Variants in PDS5B observed in about 807,000 individuals in gnomAD.
PDS5B encodes the protein sister chromatid cohesion protein PDS5 homolog B.
A neutral mutation model predicts 184.1 loss-of-function variants in PDS5B; 51 were observed. That is an observed-to-expected ratio of 0.28 (90% CI 0.22 to 0.35). The LOEUF (loss-of-function observed/expected upper bound fraction) is 0.35. Among genes scored for constraint, PDS5B ranks in the 10% least tolerant of loss-of-function variants. The pLI, the probability that PDS5B is intolerant of heterozygous loss-of-function variation, is 1.00. For synonymous variants in PDS5B, 566 were observed against 569.2 expected, an observed-to-expected ratio of 0.99 and a Z score of 0.08; for missense variants, 1,180 against 1,723.3, an observed-to-expected ratio of 0.68 and a Z score of 5.58.
At chr13:32,723,762 GT>G (rs1382393658) in intron 19 of PDS5B, among the ~76,000 whole-genome samples, 3 of 152,152 alleles carry the variant, frequency 2.0e-5, no homozygotes, top group Non-Finnish European at 4.4e-5. Context: ...TATCTATGAA[GT>G]TTAGTTACTG....
At chr13:32,750,232 A>G (rs771343510) in intron 24 of PDS5B, among the ~76,000 whole-genome samples, 100 of 152,164 alleles carry the variant, frequency 6.6e-4, no homozygotes, top group Non-Finnish European at 4.4e-4. Context: ...AAGGATTGAC[A>G]TTGCAATTAA....
chr13:32,767,116 A>G (rs1278733893), intron 31 of PDS5B, among the ~76,000 whole-genome samples: 5 of 152,170 alleles, frequency 3.3e-5, no homozygotes, highest in Non-Finnish European at 7.4e-5. Flanking sequence ...ATCTTTTACT[A>G]TGATAGTATA....
At chr13:32,597,600 G>T (rs899522068) in intron 1 of PDS5B, among the ~76,000 whole-genome samples, 2 of 150,142 alleles carry the variant, frequency 1.3e-5, no homozygotes, top group African/African-American at 2.5e-5. Flanking sequence ...CTGAGGCCGA[G>T]GGGGGGGCGG....
At chr13:32,753,828 G>C (rs1239365376) in intron 25 of PDS5B, among the ~76,000 whole-genome samples, 1 of 152,210 alleles carries the variant, frequency 6.6e-6, no homozygotes, top group East Asian at 1.9e-4. Context: ...TATATAGATT[G>C]AGCATTATCT....
Position 32,732,677 on chromosome 13 carries a change from A to T in PDS5B, c.2247+453A>T, listed in dbSNP as rs75197683. ...TATGACTGACCTAATTTTGTGTCAG[A>T]TATAAAGTGTCTTTTCAATATATAT... On this transcript the variant is annotated intron_variant, in intron 20 of 34. Transcript: ENST00000315596. Among the ~76,000 whole-genome samples the T allele has an allele frequency of 6.1e-3, 935 of 152,246 alleles. 17 individuals are homozygous for T. The highest frequency in any genetic ancestry group is 0.022 in the African/African-American group (903 of 41,574).
chr13:32,635,170 GTT>G (rs71071054), intron 1 of PDS5B, among the ~76,000 whole-genome samples: 1 of 81,120 alleles, frequency 1.2e-5, no homozygotes. Context: ...AGCCAATTAC[GTT>G]TTTTTTTTTT....
At chr13:32,714,018 T>C (rs1247300650) in intron 19 of PDS5B, among the ~76,000 whole-genome samples, 1 of 152,046 alleles carries the variant, frequency 6.6e-6, no homozygotes, top group Non-Finnish European at 1.5e-5. Context: ...AGGGGAGACA[T>C]CACAAATTGG....
chr13:32,649,521 G>C (rs1950315006), intron 2 of PDS5B: 1 of 152,046 alleles, frequency 6.6e-6, no homozygotes, highest in South Asian at 2.1e-4. Context: ...TTATTTTTGA[G>C]CATTTCCGAT....
chr13:32,677,636 T>G (rs1291573839), intron 9 of PDS5B, among the ~76,000 whole-genome samples: 5 of 152,016 alleles, frequency 3.3e-5, no homozygotes, highest in African/African-American at 4.8e-5. Context: ...AGGCTAGATT[T>G]TATAACTTTT....
At chr13:32,748,134 T>C (rs1416211561) in intron 24 of PDS5B, among the ~76,000 whole-genome samples, 1 of 152,214 alleles carries the variant, frequency 6.6e-6, no homozygotes, top group Non-Finnish European at 1.5e-5. Flanking sequence ...TAGAAACATA[T>C]CAAATTACCC....
chr13:32,713,102 TG>T (rs764909716), intron 19 of PDS5B, among the ~76,000 whole-genome samples: 9 of 152,196 alleles, frequency 5.9e-5, no homozygotes, highest in Non-Finnish European at 1.0e-4. Context: ...TTCTTATCCT[TG>T]TAAGAGTTTT....
chr13:32,601,477 G>A (rs559136091), intron 1 of PDS5B, among the ~76,000 whole-genome samples: 1 of 152,334 alleles, frequency 6.6e-6, no homozygotes, highest in Admixed American at 6.5e-5. Context: ...GCTGGTGAAA[G>A]GGATAGCCAT....
chr13:32,587,409 G>T (rs551713723), intron 1 of PDS5B, among the ~76,000 whole-genome samples: 115 of 152,306 alleles, frequency 7.6e-4, no homozygotes, highest in African/African-American at 2.5e-3. Flanking sequence ...GGGGAAAATG[G>T]TGTGCAATTG....
At chr13:32,767,276 T>A (rs933897609) in intron 31 of PDS5B, among the ~76,000 whole-genome samples, 1 of 152,190 alleles carries the variant, frequency 6.6e-6, no homozygotes, top group Non-Finnish European at 1.5e-5. Flanking sequence ...AAAAGTTTTG[T>A]CTATTTTAAA....
chr13:32,713,472 G>GA (rs752179552), intron 19 of PDS5B, among the ~76,000 whole-genome samples: 1 of 152,092 alleles, frequency 6.6e-6, no homozygotes, highest in African/African-American at 2.4e-5. Flanking sequence ...CAAATGACAT[G>GA]AGAGAAAAAA....
At chr13:32,766,227 C>T (rs776531364) in intron 31 of PDS5B, among the ~76,000 whole-genome samples, 13 of 152,200 alleles carry the variant, frequency 8.5e-5, no homozygotes, top group Non-Finnish European at 1.6e-4. Context: ...CTATAGTGTA[C>T]TACACTTATA....
At chr13:32,616,616 T>G (rs1360436581) in intron 1 of PDS5B, among the ~76,000 whole-genome samples, 1 of 152,220 alleles carries the variant, frequency 6.6e-6, no homozygotes, top group Non-Finnish European at 1.5e-5. Flanking sequence ...GTCTGATTTC[T>G]AATCCAAGGG....
intron 25 of PDS5B, among the ~76,000 whole-genome samples, chr13:32,754,134 C>T (rs551957517): frequency 6.6e-6 from 1 of 152,268 alleles, no homozygotes; most frequent in East Asian, 1.9e-4. Flanking sequence ...TACTCTCCTA[C>T]CTTGCTATAT....
chr13:32,621,216 C>A (rs542224598), intron 1 of PDS5B, among the ~76,000 whole-genome samples: 9 of 152,342 alleles, frequency 5.9e-5, no homozygotes, highest in African/African-American at 2.2e-4. Flanking sequence ...GTAATCCCAG[C>A]ACTCTGGGAG....
Sources: allele counts gnomAD v4.1 joint callset (sites outside exome capture counted in the v4.1 genomes callset), GRCh38; gene constraint gnomAD v4.1.1; transcripts MANE v1.5; gene names NCBI Gene and HGNC (gene_info 2026-07-23, HGNC 2026-07-21).